Variants in DSC1 observed in about 807,000 individuals in gnomAD.
The protein encoded by DSC1 is desmocollin 1.
A neutral mutation model predicts 98.8 loss-of-function variants in DSC1; 79 were observed. The observed-to-expected ratio is 0.80, with a 90% CI of 0.67 to 0.96. The LOEUF (loss-of-function observed/expected upper bound fraction) is 0.96. DSC1 is among the 50% of genes least tolerant of loss of function. DSC1 has a pLI of 0.00. For synonymous variants in DSC1, 405 were observed against 372.1 expected (o/e 1.09, Z -1.02); for missense variants, 1,115 against 1,075.9 (o/e 1.04, Z -0.51).
chr18:31,136,833 G>T (rs1047760618), intron 11 of DSC1, among the ~76,000 whole-genome samples: 1 of 152,166 alleles, frequency 6.6e-6, no homozygotes. Context: ...AAAATTACAA[G>T]AGGTTGATGG....
intron 5 of DSC1, among the ~76,000 whole-genome samples, chr18:31,150,043 T>TCAC (rs113864964): frequency 0.35 from 33,009 of 93,182 alleles, 4,136 homozygotes; most frequent in East Asian, 0.63. Context: ...ACCATCATCA[T>TCAC]CACCACCACC....
At position 31,150,373 on chromosome 18, in the gene DSC1, C is replaced by CATCAGCAGCACCATCATCATCACCACACT. The variant is rs1555645624; in HGVS notation, c.628-1732_628-1731insAGTGTGGTGATGATGATGGTGCTGCTGAT. On this transcript the variant is annotated intron_variant, in intron 5 of 15. Coordinates refer to ENST00000257198, the MANE Select transcript of DSC1 (RefSeq NM_024421.2). ...CCACCACCACCATCATCACCACCAC[C>CATCAGCAGCACCATCATCATCACCACACT]ATCATCACCACCATCACCACCATTA... 1.3e-3 allele frequency among the ~76,000 whole-genome samples: 19 copies of CATCAGCAGCACCATCATCATCACCACACT among 14,734 alleles called. 4 individuals are homozygous for CATCAGCAGCACCATCATCATCACCACACT. Among genetic ancestry groups the CATCAGCAGCACCATCATCATCACCACACT allele is most frequent in the Middle Eastern group, 0.12 (2 of 16 alleles). The allele number at this position is 14,734 out of a possible 152,430, so 9.7% of individuals were successfully genotyped here.
At chr18:31,137,346 C>G (rs1988633012) in intron 11 of DSC1, among the ~76,000 whole-genome samples, 1 of 152,112 alleles carries the variant, frequency 6.6e-6, no homozygotes, top group Admixed American at 6.6e-5. Flanking sequence ...TAAAGAAGCA[C>G]TTAATAAATG....
At chr18:31,144,477 A>G (rs1988800414) in intron 7 of DSC1, among the ~76,000 whole-genome samples, 1 of 152,220 alleles carries the variant, frequency 6.6e-6, no homozygotes, top group Non-Finnish European at 1.5e-5. Context: ...ATTTAAAAGC[A>G]TATTACTAAA....
intron 2 of DSC1, among the ~76,000 whole-genome samples, chr18:31,158,144 G>T (rs572799423): frequency 4.9e-4 from 74 of 152,188 alleles, no homozygotes; most frequent in African/African-American, 1.7e-3. Context: ...GCGTGCACCT[G>T]TAATTCCAGC....
At chr18:31,130,848 A>G in intron 15 of DSC1, 137 bp from the exon 16 acceptor site, 1 of 1,607,832 alleles carries the variant, frequency 6.2e-7, no homozygotes, top group Non-Finnish European at 8.5e-7. Flanking sequence ...CCTATATATA[A>G]AAAATGCACA....
intron 1 of DSC1, 97 bp downstream of exon 1, chr18:31,162,435 C>A: frequency 8.7e-7 from 1 of 1,142,906 alleles, no homozygotes; most frequent in Non-Finnish European, 1.3e-6. Context: ...TCTTCTCTGC[C>A]TCCCATCCTC....
chr18:31,135,336 G>T (rs1232064921), intron 11 of DSC1, among the ~76,000 whole-genome samples: 1 of 152,086 alleles, frequency 6.6e-6, no homozygotes, highest in African/African-American at 2.4e-5. Context: ...ACGTCCTCAT[G>T]AAACTCGTGA....
intron 10 of DSC1, 48 bp downstream of exon 10, chr18:31,139,994 A>C (rs1988696570): frequency 1.9e-6 from 3 of 1,575,696 alleles, no homozygotes; most frequent in Non-Finnish European, 2.6e-6. Context: ...CTTTAAAAAC[A>C]ATTTACATCA....
chr18:31,149,796 C>T (rs907663978), intron 5 of DSC1, among the ~76,000 whole-genome samples: 1 of 152,150 alleles, frequency 6.6e-6, no homozygotes, highest in Non-Finnish European at 1.5e-5. Context: ...AGAATGTACA[C>T]TCCAAACTCT....
intron 5 of DSC1, among the ~76,000 whole-genome samples, chr18:31,150,291 C>CGAT (rs1988951874): frequency 1.6e-5 from 2 of 127,422 alleles, no homozygotes; most frequent in African/African-American, 3.0e-5. Flanking sequence ...ACCACCACCA[C>CGAT]CACTACCATC....
intron 5 of DSC1, 135 bp downstream of exon 5, chr18:31,154,639 G>A: frequency 1.2e-6 from 1 of 847,820 alleles, no homozygotes; most frequent in Non-Finnish European, 1.7e-6. Context: ...GAAATTTAAA[G>A]TTTATATTGC....
chr18:31,152,098 G>T (rs528707918), intron 5 of DSC1, among the ~76,000 whole-genome samples: 48 of 151,966 alleles, frequency 3.2e-4, no homozygotes, highest in Admixed American at 9.8e-4. Flanking sequence ...GAAGGCAGAG[G>T]TTGCAGTGAG....
intron 6 of DSC1, 32 bp from the exon 7 acceptor site, chr18:31,145,809 T>A (rs1988834179): frequency 6.3e-7 from 1 of 1,590,008 alleles, no homozygotes; most frequent in African/African-American, 1.4e-5. Flanking sequence ...TGTCAAAAAT[T>A]TCTACTCATA....
chr18:31,153,005 T>C (rs1356571786), intron 5 of DSC1, among the ~76,000 whole-genome samples: 2 of 151,588 alleles, frequency 1.3e-5, no homozygotes, highest in Non-Finnish European at 2.9e-5. Flanking sequence ...GAAACATGGG[T>C]AATTCTGAGG....
intron 7 of DSC1, among the ~76,000 whole-genome samples, chr18:31,145,222 G>C (rs1475640993): frequency 6.6e-6 from 1 of 152,078 alleles, no homozygotes; most frequent in East Asian, 1.9e-4. Flanking sequence ...GATTACAGGC[G>C]TGAGCCACCG....
chr18:31,150,790 C>A (rs538703561), intron 5 of DSC1: 1 of 152,226 alleles, frequency 6.6e-6, no homozygotes, highest in East Asian at 1.9e-4. Flanking sequence ...GGTTTTATAT[C>A]TCTATTAGAT....
Position 31,139,860 on chromosome 18 carries a change from C to G in DSC1, c.1551G>C (p.Trp517Cys), listed in dbSNP as rs1887637294. ...RYQKLGDEDN[W>C]FEINQHTGDL... is the part of the protein sequence containing the mutation. ...CGCCAGTGTGTTGATTAATTTCAAA[C>G]CAGTTATCTTCATCCCCTAACTTCT... is the stretch of plus-strand genomic sequence containing the variant. Residue 517 changes from tryptophan to cysteine, a missense_variant, in exon 11 of 16, where the codon TGG becomes TGC. Physicochemically the swap from Trp to Cys is radical, Grantham distance 215. Coordinates refer to ENST00000257198, the MANE Select transcript of DSC1 (RefSeq NM_024421.2). 2.5e-6 allele frequency: 4 copies of G among 1,609,366 alleles called. No homozygotes were observed. Among genetic ancestry groups the G allele is most frequent in the Non-Finnish European group, 3.4e-6 (4 of 1,178,764 alleles).
chr18:31,146,332 T>A (rs1462138751), intron 6 of DSC1, among the ~76,000 whole-genome samples: 1 of 152,186 alleles, frequency 6.6e-6, no homozygotes, highest in Non-Finnish European at 1.5e-5. Flanking sequence ...AGTGATAACA[T>A]GTGGTATTTA....
Sources: gnomAD v4.1 joint callset for allele counts (sites outside exome capture counted in the v4.1 genomes callset) on GRCh38, gnomAD v4.1.1 for gene constraint, MANE v1.5 for transcripts, NCBI Gene and HGNC (gene_info 2026-07-23, HGNC 2026-07-21) for gene names.